CACNB2: variants seen among roughly 807,000 people sequenced by gnomAD.
The protein encoded by CACNB2 is voltage-dependent L-type calcium channel subunit beta-2.
In CACNB2, 42 loss-of-function variants were observed where a neutral mutation model predicts 73.3. The ratio of observed to expected loss-of-function variants is 0.57; its 90% CI spans 0.45 to 0.74. CACNB2 has a LOEUF of 0.74. Among genes scored for constraint, CACNB2 ranks in the 30% least tolerant of loss-of-function variants. CACNB2 has a pLI of 0.00. For synonymous variants in CACNB2, 348 were observed against 310.3 expected, an observed-to-expected ratio of 1.12 and a Z score of -1.28; for missense variants, 940 against 853.0, an observed-to-expected ratio of 1.10 and a Z score of -1.27.
chr10:18,528,709 C>G (rs1589707665), intron 10 of CACNB2, among the ~76,000 whole-genome samples: 2 of 152,134 alleles, frequency 1.3e-5, no homozygotes, highest in East Asian at 3.9e-4. Context: ...ACTTCAGTAA[C>G]AGGTTTAGAA....
At chr10:18,447,001 G>T (rs1001622610) in intron 3 of CACNB2, among the ~76,000 whole-genome samples, 3 of 151,996 alleles carry the variant, frequency 2.0e-5, no homozygotes, top group African/African-American at 7.3e-5. Context: ...TGAGGCTGCA[G>T]TGAGGCTGTG....
At chr10:18,235,274 A>G (rs566301713) in intron 2 of CACNB2, among the ~76,000 whole-genome samples, 2 of 152,146 alleles carry the variant, frequency 1.3e-5, no homozygotes, top group East Asian at 3.9e-4. Flanking sequence ...GCAATGTAGC[A>G]AGACCCAGTC....
At chr10:18,153,876 C>T (rs2031813653) in intron 2 of CACNB2, among the ~76,000 whole-genome samples, 1 of 141,468 alleles carries the variant, frequency 7.1e-6, no homozygotes, top group African/African-American at 2.7e-5. Context: ...GCAACCATGC[C>T]CGGCAGCATA....
intron 3 of CACNB2, among the ~76,000 whole-genome samples, chr10:18,493,212 A>G (rs1208541392): frequency 1.3e-5 from 2 of 152,234 alleles, no homozygotes; most frequent in African/African-American, 4.8e-5. Flanking sequence ...TCTGTTGCCC[A>G]GGCTAGAGTG....
At chr10:18,491,503 A>G (rs2049422212) in intron 3 of CACNB2, among the ~76,000 whole-genome samples, 1 of 152,170 alleles carries the variant, frequency 6.6e-6, no homozygotes, top group Admixed American at 6.5e-5. Context: ...CTGGAGGATT[A>G]TTTGAGCCTA....
intron 6 of CACNB2, among the ~76,000 whole-genome samples, chr10:18,511,868 G>A (rs1001955585): frequency 2.0e-5 from 3 of 152,154 alleles, no homozygotes; most frequent in South Asian, 2.1e-4. Context: ...TGTGGTATAC[G>A]GAGGGTTATA....
intron 2 of CACNB2, among the ~76,000 whole-genome samples, chr10:18,211,226 G>A (rs946983678): frequency 2.6e-5 from 4 of 152,108 alleles, no homozygotes; most frequent in East Asian, 3.9e-4. Context: ...AGAGAAAGCC[G>A]GGTACTCAGT....
At chr10:18,385,371 C>A (rs896177376) in intron 2 of CACNB2, among the ~76,000 whole-genome samples, 6 of 99,128 alleles carry the variant, frequency 6.1e-5, no homozygotes, top group South Asian at 7.7e-4. Context: ...AATACCCCCC[C>A]CCCTCGCCCC....
chr10:18,443,931 T>C (rs1470280036), intron 3 of CACNB2, among the ~76,000 whole-genome samples: 1 of 152,114 alleles, frequency 6.6e-6, no homozygotes, highest in African/African-American at 2.4e-5. Flanking sequence ...GCCAGACTAG[T>C]CTTGAATGCC....
At chr10:18,416,359 A>G (rs76606350) in intron 3 of CACNB2, among the ~76,000 whole-genome samples, 3,158 of 152,234 alleles carry the variant, frequency 0.021, 110 homozygotes, top group African/African-American at 0.066. Flanking sequence ...TTATCTGTCA[A>G]TGGGTATTTG....
chr10:18,397,016 T>A (rs2043745529), intron 2 of CACNB2, among the ~76,000 whole-genome samples: 2 of 152,232 alleles, frequency 1.3e-5, no homozygotes, highest in South Asian at 4.1e-4. Flanking sequence ...GGATCCAAGA[T>A]GCCGCTATGA....
At chr10:18,211,821 A>T (rs1290421802) in intron 2 of CACNB2, among the ~76,000 whole-genome samples, 1 of 151,566 alleles carries the variant, frequency 6.6e-6, no homozygotes, top group Non-Finnish European at 1.5e-5. Context: ...GACACAATTC[A>T]CTTATCACAT....
chr10:18,220,110 AATATATATATATATAT>A lies in CACNB2; in HGVS notation c.213+69165_213+69180del, dbSNP rs1165921150. On this transcript the variant is annotated intron_variant, in intron 2 of 13. Coordinates refer to ENST00000324631, the MANE Select transcript of CACNB2 (RefSeq NM_201596.3). ...TCCTCTTCTCCTTTTTTTATTTTTT[AATATATATATATATAT>A]ATATATATATATATATATATATATA... 0.012 allele frequency among the ~76,000 whole-genome samples: 393 copies of A among 32,748 alleles called. 24 individuals carry two copies. The East Asian group carries it at 0.12, about 10-fold the overall frequency. 21.5% of individuals were successfully genotyped at this position (32,748 alleles called of 152,430 possible). A position where few individuals can be genotyped will look rare whatever the true frequency, so the allele number is the denominator to read the frequency against.
At chr10:18,253,313 G>C (rs1306589605) in intron 2 of CACNB2, among the ~76,000 whole-genome samples, 3 of 152,116 alleles carry the variant, frequency 2.0e-5, no homozygotes, top group African/African-American at 7.2e-5. Context: ...GTGGGGCTGA[G>C]TACATAGCAA....
intron 3 of CACNB2, among the ~76,000 whole-genome samples, chr10:18,407,109 C>CTT (rs71507267): frequency 0.017 from 597 of 35,588 alleles, 158 homozygotes; most frequent in African/African-American, 0.045. Flanking sequence ...GCTGTTCTGT[C>CTT]TTTTTTTTTT....
chr10:18,514,384 C>T lies in CACNB2; in HGVS notation c.804+15C>T. 1 of 1,614,102 alleles carries T rather than the reference C, an allele frequency of 6.2e-7. No homozygotes were observed. The highest frequency in any genetic ancestry group is 8.5e-7 in the Non-Finnish European group (1 of 1,180,012). On this transcript the variant is annotated intron_variant, in intron 7 of 13. Coordinates refer to ENST00000324631, the MANE Select transcript of CACNB2 (RefSeq NM_201596.3). ...TCTTTAAGAAGGTAACATTAACTTC[C>T]AAGCTCCCATTGTCCACCTGCTCAA...
chr10:18,474,854 C>G (rs1169874489), intron 3 of CACNB2, among the ~76,000 whole-genome samples: 1 of 151,772 alleles, frequency 6.6e-6, no homozygotes, highest in Admixed American at 6.6e-5. Context: ...CCTTATCTAC[C>G]TGGAGTTAGT....
In CACNB2 at chr10:18,443,755, C is replaced by G. The variant is rs550736772; in HGVS notation, c.333+41712C>G. Reference sequence around the variant, plus strand: ...TTTTAAACAGAGTCTCACTCTGTCACCCAGGCTGGAATGCAGTGGCATGAT... The same window carrying G: ...TTTTAAACAGAGTCTCACTCTGTCAGCCAGGCTGGAATGCAGTGGCATGAT... On this transcript the variant is annotated intron_variant, in intron 3 of 13. Coordinates refer to ENST00000324631, the MANE Select transcript of CACNB2 (RefSeq NM_201596.3). Among the ~76,000 whole-genome samples the G allele has an allele frequency of 3.6e-4, 54 of 149,274 alleles. 1 individual carries two copies. The East Asian group carries it at 4.4e-3, about 12-fold the overall frequency.
intron 3 of CACNB2, among the ~76,000 whole-genome samples, chr10:18,445,417 C>T (rs751615227): frequency 2.8e-4 from 42 of 152,184 alleles, no homozygotes; most frequent in Non-Finnish European, 4.9e-4. Flanking sequence ...CCATTACACA[C>T]GTACTGGCCA....
Sources: allele counts gnomAD v4.1 joint callset (sites outside exome capture counted in the v4.1 genomes callset), GRCh38; gene constraint gnomAD v4.1.1; transcripts MANE v1.5; gene names NCBI Gene and HGNC (gene_info 2026-07-23, HGNC 2026-07-21).